The following LURAP1L variants were observed in gnomAD, a reference collection of about 807,000 sequenced individuals.
LURAP1L encodes leucine rich adaptor protein 1 like.
A neutral mutation model predicts 13.8 loss-of-function variants in LURAP1L; 12 were observed. That is an observed-to-expected ratio of 0.87 (90% confidence interval 0.56 to 1.41). The LOEUF is 1.41. Among genes scored for constraint, LURAP1L ranks in the 40% most tolerant of loss-of-function variants. The pLI, the probability that LURAP1L is intolerant of heterozygous loss-of-function variation, is 0.00. For synonymous variants in LURAP1L, 139 were observed against 119.2 expected (o/e 1.17, Z -1.08); for missense variants, 375 against 292.9 (o/e 1.28, Z -2.04).
At chr9:12,791,795 C>T (rs932367450) in intron 1 of LURAP1L, among the ~76,000 whole-genome samples, 2 of 151,976 alleles carry the variant, frequency 1.3e-5, no homozygotes, top group Non-Finnish European at 2.9e-5. Context: ...AGTGATCATT[C>T]CCCTCCTCCA....
chr9:12,780,580 G>A (rs890880596), intron 1 of LURAP1L, among the ~76,000 whole-genome samples: 1 of 152,084 alleles, frequency 6.6e-6, no homozygotes, highest in African/African-American at 2.4e-5. Flanking sequence ...AAGAACCACT[G>A]TGAGCCTGGC....
rs111733925 is a variant in LURAP1L, at chr9:12,815,724, T to C, written c.313-5662T>C. ...GGGCTTTATGAGAAACCTGAGTATA[T>C]GATGCTATCCAAGGCTCCAGAAAGG... On this transcript the variant is annotated intron_variant, in intron 1 of 1. Coordinates refer to ENST00000319264, the MANE Select transcript of LURAP1L (RefSeq NM_203403.2). Among the ~76,000 whole-genome samples, 399 of 152,256 alleles carry C rather than the reference T, an allele frequency of 2.6e-3. 1 individual carries two copies. Among genetic ancestry groups the C allele is most frequent in the African/African-American group, 9.1e-3 (379 of 41,554 alleles).
chr9:12,775,580 G>T lies in LURAP1L; in HGVS notation c.-136G>T, dbSNP rs959001823. On this transcript the variant is annotated 5_prime_UTR_variant, in exon 1 of 2. It adds an upstream start codon to the 5' untranslated region. Coordinates refer to ENST00000319264, the MANE Select transcript of LURAP1L (RefSeq NM_203403.2). ...GATACCGCATAGGCGGTTATGGAAA[G>T]GACGGTACACCGGAGCGGCGGAGGA... 5.0e-5 allele frequency: 69 copies of T among 1,393,640 alleles called. No individual in the cohort carries two copies. Among genetic ancestry groups the T allele is most frequent in the South Asian group, 3.5e-4 (22 of 62,626 alleles). 86.3% of individuals were successfully genotyped at this position (1,393,640 alleles called of 1,614,324 possible).
At chr9:12,791,762 A>G (rs941196677) in intron 1 of LURAP1L, among the ~76,000 whole-genome samples, 9 of 151,766 alleles carry the variant, frequency 5.9e-5, no homozygotes, top group Non-Finnish European at 1.2e-4. Flanking sequence ...TGCACATGAT[A>G]TCACTGTTCC....
intron 1 of LURAP1L, among the ~76,000 whole-genome samples, chr9:12,796,896 C>A (rs538059361): frequency 6.9e-6 from 1 of 144,226 alleles, no homozygotes; most frequent in South Asian, 2.2e-4. Context: ...TGAAGATAAT[C>A]ATTTCTACCA....
At position 12,821,562 on chromosome 9, in the gene LURAP1L, C is replaced by G; in HGVS notation, c.489C>G (p.Ser163Arg). 6.2e-7 allele frequency: 1 copy of G among 1,614,172 alleles called. No individual in the cohort carries two copies. The highest frequency in any genetic ancestry group is 8.5e-7 in the Non-Finnish European group (1 of 1,180,034). The change falls in exon 2 of 2, where the codon AGC (serine) becomes AGG (arginine). Residue 163 changes from serine (S) to arginine (R), a missense_variant. Physicochemically the swap from Ser to Arg is moderately radical, Grantham distance 110. Transcript: ENST00000319264. ...GTCAGAGCACCTCCTTACGTGGCAG[C>G]TACAACAGCCTACACGATGGCAGTG... ...LESQSTSLRGSYNSLHDGSDG... is the reference protein window; with the variant it reads ...LESQSTSLRGRYNSLHDGSDG...
intron 1 of LURAP1L, among the ~76,000 whole-genome samples, chr9:12,804,875 G>C (rs1819635180): frequency 6.6e-6 from 1 of 151,874 alleles, no homozygotes; most frequent in Non-Finnish European, 1.5e-5. Context: ...TGGGACTCTG[G>C]CGACTCACTA....
chr9:12,775,230 A>G lies in LURAP1L; in HGVS notation c.-486A>G, dbSNP rs1205255163. On this transcript the variant is annotated 5_prime_UTR_variant, in exon 1 of 2. Transcript: ENST00000319264. ...GCTGGAAAATGAAACGACCCAGGAC[A>G]TCGTTTCTGGCTGCATCATTATTTT... 6.5e-6 allele frequency: 1 copy of G among 153,048 alleles called. No individual in the cohort carries two copies. Among genetic ancestry groups the G allele is most frequent in the Non-Finnish European group, 1.5e-5 (1 of 68,728 alleles). 9.5% of individuals were successfully genotyped at this position (153,048 alleles called of 1,614,324 possible). A position where few individuals can be genotyped will look rare whatever the true frequency, so the allele number is the denominator to read the frequency against.
At chr9:12,789,643 A>AG (rs1383244448) in intron 1 of LURAP1L, among the ~76,000 whole-genome samples, 1 of 152,184 alleles carries the variant, frequency 6.6e-6, no homozygotes, top group Non-Finnish European at 1.5e-5. Flanking sequence ...CTATATGGAC[A>AG]GGTCTATCAT....
At position 12,800,592 on chromosome 9, in the gene LURAP1L, A is replaced by T. The variant is rs536230808; in HGVS notation, c.313-20794A>T. On this transcript the variant is annotated intron_variant, in intron 1 of 1. Coordinates refer to ENST00000319264, the MANE Select transcript of LURAP1L (RefSeq NM_203403.2). ...GAAAAAATCTCTTACTCATTTGTTG[A>T]ATTTAAATTTCTGAGCAAGAATCAT... 5.6e-4 allele frequency among the ~76,000 whole-genome samples: 86 copies of T among 152,336 alleles called. No individual in the cohort carries two copies. In the South Asian group the frequency reaches 0.015, roughly 27 times the overall value.
At chr9:12,804,943 T>C (rs1819636340) in intron 1 of LURAP1L, among the ~76,000 whole-genome samples, 1 of 152,132 alleles carries the variant, frequency 6.6e-6, no homozygotes. Context: ...AACATGCTCA[T>C]TCATTTACCG....
At chr9:12,821,304 C>T (rs1272893353) in intron 1 of LURAP1L, 82 bp from the exon 2 acceptor site, 2 of 1,445,000 alleles carry the variant, frequency 1.4e-6, no homozygotes, top group African/African-American at 2.8e-5. Flanking sequence ...TTCTGAACTG[C>T]AGCAGACAGT....
At chr9:12,793,503 T>C (rs1205892410) in intron 1 of LURAP1L, among the ~76,000 whole-genome samples, 2 of 152,080 alleles carry the variant, frequency 1.3e-5, no homozygotes, top group South Asian at 2.1e-4. Context: ...GTTTCTTTTA[T>C]TGCCCTCCTT....
In LURAP1L at chr9:12,819,218, T is replaced by C. The variant is rs886987487; in HGVS notation, c.313-2168T>C. 3.5e-4 allele frequency among the ~76,000 whole-genome samples: 53 copies of C among 152,212 alleles called. 1 individual carries two copies. Among genetic ancestry groups the C allele is most frequent in the Admixed American group, 1.2e-3 (19 of 15,274 alleles). On this transcript the variant is annotated intron_variant, in intron 1 of 1. Transcript: ENST00000319264. ...TGTTACTTCCTGTGCAATTTATTTTTAGTGCTTTGTTCAGAGAAGATGAAG... is the reference window on the plus strand; with the variant it reads ...TGTTACTTCCTGTGCAATTTATTTTCAGTGCTTTGTTCAGAGAAGATGAAG...
Position 12,795,566 on chromosome 9 carries a change from G to A in LURAP1L, c.312+19539G>A, listed in dbSNP as rs556917683. ...CACAGCGAGATTGATTGAGACAGTTGTGATGGTTATGTTGGAGTTAATGAG... is the reference window on the plus strand; with the variant it reads ...CACAGCGAGATTGATTGAGACAGTTATGATGGTTATGTTGGAGTTAATGAG... On this transcript the variant is annotated intron_variant, in intron 1 of 1. Transcript: ENST00000319264. Among the ~76,000 whole-genome samples the A allele has an allele frequency of 4.6e-5, 7 of 152,122 alleles. No individual in the cohort carries two copies. In the South Asian group the frequency reaches 1.4e-3, roughly 31 times the overall value.
At chr9:12,781,185 G>A (rs1212669531) in intron 1 of LURAP1L, among the ~76,000 whole-genome samples, 1 of 152,062 alleles carries the variant, frequency 6.6e-6, no homozygotes, top group Non-Finnish European at 1.5e-5. Context: ...TGGTCAGGCT[G>A]GTCTGGAACT....
At chr9:12,793,823 G>A (rs1243199435) in intron 1 of LURAP1L, among the ~76,000 whole-genome samples, 1 of 151,990 alleles carries the variant, frequency 6.6e-6, no homozygotes, top group Non-Finnish European at 1.5e-5. Context: ...AGTGGCGCCT[G>A]CACAAAATGG....
intron 1 of LURAP1L, among the ~76,000 whole-genome samples, chr9:12,813,623 G>A (rs1039451988): frequency 1.3e-5 from 2 of 152,116 alleles, no homozygotes; most frequent in African/African-American, 4.8e-5. Context: ...TTTGTGGCAT[G>A]TCCCTAGTTA....
intron 1 of LURAP1L, among the ~76,000 whole-genome samples, chr9:12,801,080 G>A (rs1287422612): frequency 6.6e-6 from 1 of 151,990 alleles, no homozygotes; most frequent in East Asian, 1.9e-4. Context: ...AAAATATTTA[G>A]GGCTTTTACA....
Sources: gnomAD v4.1 joint callset for allele counts (sites outside exome capture counted in the v4.1 genomes callset) on GRCh38, gnomAD v4.1.1 for gene constraint, MANE v1.5 for transcripts, NCBI Gene and HGNC (gene_info 2026-07-23, HGNC 2026-07-21) for gene names.